Variants in ZBTB49 observed in about 807,000 individuals in gnomAD.
ZBTB49 encodes zinc finger and BTB domain-containing protein 49.
A neutral mutation model predicts 57.5 loss-of-function variants in ZBTB49; 43 were observed. The ratio of observed to expected loss-of-function variants is 0.75; its 90% confidence interval spans 0.59 to 0.97. ZBTB49 has a LOEUF of 0.97. Among genes scored for constraint, ZBTB49 ranks in the 50% least tolerant of loss-of-function variants. The pLI is 0.00. For synonymous variants in ZBTB49, 369 were observed against 362.1 expected (o/e 1.02, Z -0.22); for missense variants, 938 against 947.7 (o/e 0.99, Z 0.13).
intron 4 of ZBTB49, among the ~76,000 whole-genome samples, chr4:4,307,582 C>T (rs936953212): frequency 2.6e-5 from 4 of 152,116 alleles, no homozygotes; most frequent in Admixed American, 6.5e-5. Flanking sequence ...ACATAGTAAG[C>T]GCTCAAGAAA....
chr4:4,320,880 C>T lies in ZBTB49; in HGVS notation c.1862C>T (p.Thr621Met), dbSNP rs181146375. 4.4e-5 allele frequency: 71 copies of T among 1,614,198 alleles called. No homozygotes were observed. The East Asian group carries it at 1.4e-3, about 32-fold the overall frequency. ...SQSSDSFSQD[T>M]SVTLMPVSVK... ...AGCTCAGACTCTTTCTCCCAAGACA[C>T]GTCTGTGACGCTGATGCCAGTGTCG... is the stretch of plus-strand genomic sequence containing the variant. The change falls in exon 8 of 8, where the codon ACG (threonine) becomes ATG (methionine). Residue 621 changes from threonine to methionine, a missense_variant. Coordinates refer to ENST00000337872, the MANE Select transcript of ZBTB49 (RefSeq NM_145291.4).
At chr4:4,298,911 T>C in intron 1 of ZBTB49, among the ~76,000 whole-genome samples, 1 of 152,230 alleles carries the variant, frequency 6.6e-6, no homozygotes, top group East Asian at 1.9e-4. Context: ...GGCACTTTCG[T>C]GTGTGTGTTT....
chr4:4,312,910 GT>G, intron 4 of ZBTB49, 130 bp from the exon 5 acceptor site: 1 of 996,154 alleles, frequency 1.0e-6, no homozygotes, highest in Non-Finnish European at 1.5e-6. Flanking sequence ...TTTGAGTTGT[GT>G]GTAGCTCATC....
chr4:4,316,006 G>C (rs1255765570), intron 7 of ZBTB49, 36 bp downstream of exon 7: 2 of 1,607,868 alleles, frequency 1.2e-6, no homozygotes, highest in Non-Finnish European at 1.7e-6. Context: ...CTAGTCATCT[G>C]TGTGTGGGAA....
intron 1 of ZBTB49, among the ~76,000 whole-genome samples, chr4:4,298,513 A>G (rs537105931): frequency 2.7e-3 from 405 of 151,956 alleles, no homozygotes; most frequent in African/African-American, 9.1e-3. Context: ...TACAGCCTCA[A>G]CCTTCTGGCC....
chr4:4,312,938 A>G, intron 4 of ZBTB49, 103 bp from the exon 5 acceptor site: 1 of 1,278,956 alleles, frequency 7.8e-7, no homozygotes, highest in Non-Finnish European at 1.1e-6. Context: ...TGGAATTTGA[A>G]TTGGAACCTG....
Position 4,321,472 on chromosome 4 carries a change from G to A in ZBTB49, c.*156G>A. Reference sequence around the variant, plus strand: ...GATGGCTCATAATCTGAAGCATCTTGAGCTGGGGGTGTGAGGGGGAGGGCC... The same window carrying A: ...GATGGCTCATAATCTGAAGCATCTTAAGCTGGGGGTGTGAGGGGGAGGGCC... On this transcript the variant is annotated 3_prime_UTR_variant, in exon 8 of 8. Transcript: ENST00000337872. 2 of 850,850 alleles carry A rather than the reference G, an allele frequency of 2.4e-6. No individual in the cohort carries two copies. The highest frequency in any genetic ancestry group is 3.6e-6 in the Non-Finnish European group (2 of 562,682). 52.7% of individuals were successfully genotyped at this position (850,850 alleles called of 1,614,324 possible). A position where few individuals can be genotyped will look rare whatever the true frequency, so the allele number is the denominator to read the frequency against.
At chr4:4,316,024 G>C in intron 7 of ZBTB49, 54 bp downstream of exon 7, 2 of 1,598,306 alleles carry the variant, frequency 1.3e-6, no homozygotes, top group South Asian at 2.2e-5. Context: ...GAAGGGCTTT[G>C]TCCCCCAGCC....
chr4:4,303,842 C>T (rs1720623180), intron 3 of ZBTB49, among the ~76,000 whole-genome samples: 1 of 150,288 alleles, frequency 6.7e-6, no homozygotes. Context: ...TATTACTTTT[C>T]TTCCTATAAT....
In ZBTB49 at chr4:4,302,979, C is replaced by T; in HGVS notation, c.1143C>T (p.Ala381=). 2.5e-6 allele frequency: 4 copies of T among 1,614,156 alleles called. No individual in the cohort carries two copies. Among genetic ancestry groups the T allele is most frequent in the South Asian group, 2.2e-5 (2 of 91,074 alleles). ...SETERPEDPA[A]LEDQSQTLQS... ...CGGAGAGGCCTGAAGACCCGGCTGCCCTGGAAGACCAGTCCCAGACACTTC... is the reference window on the plus strand; with the variant it reads ...CGGAGAGGCCTGAAGACCCGGCTGCTCTGGAAGACCAGTCCCAGACACTTC... Residue 381 remains alanine (A), a synonymous_variant, in exon 3 of 8, where the codon GCC becomes GCT. Coordinates refer to ENST00000337872, the MANE Select transcript of ZBTB49 (RefSeq NM_145291.4).
intron 1 of ZBTB49, among the ~76,000 whole-genome samples, chr4:4,298,962 C>T (rs1402972461): frequency 6.6e-6 from 1 of 152,126 alleles, no homozygotes; most frequent in Non-Finnish European, 1.5e-5. Flanking sequence ...GGCGACCTGG[C>T]GTGTTTTGTT....
chr4:4,316,673 G>T (rs1432760052), intron 7 of ZBTB49, among the ~76,000 whole-genome samples: 1 of 152,218 alleles, frequency 6.6e-6, no homozygotes, highest in East Asian at 1.9e-4. Context: ...TCCAGCTGTA[G>T]GGAGCCTGGA....
chr4:4,300,152 A>C, intron 2 of ZBTB49, 55 bp downstream of exon 2: 1 of 1,572,678 alleles, frequency 6.4e-7, no homozygotes, highest in Non-Finnish European at 8.7e-7. Context: ...AAGCTCTTTT[A>C]GTATGGAAGT....
Position 4,297,017 on chromosome 4 carries a change from T to A in ZBTB49, c.-19-2910T>A, listed in dbSNP as rs557905909. 3.3e-5 allele frequency among the ~76,000 whole-genome samples: 5 copies of A among 152,330 alleles called. No homozygotes were observed. In the East Asian group the frequency reaches 9.7e-4, roughly 29 times the overall value. On this transcript the variant is annotated intron_variant, in intron 1 of 7. Transcript: ENST00000337872. ...GGGAAATTTGGAACTGAGAAAAATT[T>A]AAGGCACTATGGTTATCAAGTTATA...
At chr4:4,308,006 C>T (rs916542992) in intron 4 of ZBTB49, among the ~76,000 whole-genome samples, 5 of 152,192 alleles carry the variant, frequency 3.3e-5, no homozygotes, top group Admixed American at 1.3e-4. Flanking sequence ...TCTCCTGGCA[C>T]GGATCCTTGG....
intron 4 of ZBTB49, among the ~76,000 whole-genome samples, chr4:4,311,139 T>C (rs1720966676): frequency 6.6e-6 from 1 of 152,254 alleles, no homozygotes; most frequent in African/African-American, 2.4e-5. Context: ...TAAAGAACAC[T>C]TTAAAGATTT....
At chr4:4,294,872 C>CGTGT (rs10626183) in intron 1 of ZBTB49, among the ~76,000 whole-genome samples, 9,356 of 137,852 alleles carry the variant, frequency 0.068, 386 homozygotes, top group Middle Eastern at 0.11. Flanking sequence ...AGGAGGGTTT[C>CGTGT]GTGTGTGTGT....
rs1262182404 is a variant in ZBTB49 at position 4,300,100 on chromosome 4, G to A, written c.152+3G>A. 2 of 1,613,632 alleles carry A rather than the reference G, an allele frequency of 1.2e-6. No homozygotes were observed. The highest frequency in any genetic ancestry group is 2.2e-5 in the South Asian group (2 of 91,012). On this transcript the variant is annotated splice_donor_region_variant and intron_variant, in intron 2 of 7. Transcript: ENST00000337872. ...GCAGCATTCAGCCAGTATTTTAGGTGGGTATTTTAGACTTCATTCTCCTAG... is the reference window on the plus strand; with the variant it reads ...GCAGCATTCAGCCAGTATTTTAGGTAGGTATTTTAGACTTCATTCTCCTAG...
intron 1 of ZBTB49, among the ~76,000 whole-genome samples, chr4:4,294,045 A>G (rs1253823714): frequency 6.6e-6 from 1 of 152,264 alleles, no homozygotes; most frequent in Non-Finnish European, 1.5e-5. Context: ...GGATAATAGT[A>G]GCACCTATCT....
Sources: gnomAD v4.1 joint callset for allele counts (sites outside exome capture counted in the v4.1 genomes callset) on GRCh38, gnomAD v4.1.1 for gene constraint, MANE v1.5 for transcripts, NCBI Gene and HGNC (gene_info 2026-07-23, HGNC 2026-07-21) for gene names.